The following GIN1 variants were observed in gnomAD, a reference collection of about 807,000 sequenced individuals.
GIN1 encodes gypsy retrotransposon integrase 1, also known as gypsy retrotransposon integrase-like protein 1.
GIN1 carries 41 observed loss-of-function variants against 51.4 expected under a neutral mutation model. That is an observed-to-expected ratio of 0.80 (90% CI 0.62 to 1.04). The LOEUF is 1.04. Among genes scored for constraint, GIN1 ranks in the 50% least tolerant of loss-of-function variants. The pLI is 0.00. For missense variants in GIN1, 610 were observed against 612.4 expected (o/e 1.00, Z 0.04); for synonymous variants, 222 against 206.5 (o/e 1.07, Z -0.64).
At chr5:103,100,894 T>G (rs1787553689) in intron 4 of GIN1, among the ~76,000 whole-genome samples, 1 of 152,174 alleles carries the variant, frequency 6.6e-6, no homozygotes, top group Non-Finnish European at 1.5e-5. Flanking sequence ...TTCTTGATAA[T>G]TTTGAATTTT....
chr5:103,103,254 CA>C (rs1316674744), intron 4 of GIN1, among the ~76,000 whole-genome samples: 2 of 152,214 alleles, frequency 1.3e-5, no homozygotes. Flanking sequence ...TATGTTGTCA[CA>C]ACTCTGCTAA....
chr5:103,100,564 A>T (rs550091881), intron 4 of GIN1, among the ~76,000 whole-genome samples: 86 of 150,576 alleles, frequency 5.7e-4, no homozygotes, highest in African/African-American at 1.2e-3. Context: ...GTTAATTAAA[A>T]ATTTTTTTTT....
At chr5:103,116,254 A>G (rs1477474445) in intron 1 of GIN1, among the ~76,000 whole-genome samples, 1 of 152,152 alleles carries the variant, frequency 6.6e-6, no homozygotes, top group African/African-American at 2.4e-5. Flanking sequence ...TACTATGGTA[A>G]TCAAGACTGT....
At chr5:103,103,556 C>T (rs782520732) in intron 4 of GIN1, among the ~76,000 whole-genome samples, 1 of 152,106 alleles carries the variant, frequency 6.6e-6, no homozygotes, top group Non-Finnish European at 1.5e-5. Flanking sequence ...AAACATATAC[C>T]CTGTCAATTA....
At chr5:103,092,847 G>A (rs1205134975) in intron 7 of GIN1, among the ~76,000 whole-genome samples, 1 of 145,572 alleles carries the variant, frequency 6.9e-6, no homozygotes, top group East Asian at 2.1e-4. Context: ...TTGGGAGGCT[G>A]ATGTGGGAAG....
chr5:103,088,323 G>C (rs921250208), intron 7 of GIN1, 151 bp from the exon 8 acceptor site: 39 of 490,068 alleles, frequency 8.0e-5, no homozygotes, highest in African/African-American at 7.0e-4. Context: ...TACTAAATAT[G>C]AATGTCAAAG....
At chr5:103,097,136 A>G (rs1010424659) in intron 6 of GIN1, among the ~76,000 whole-genome samples, 178 bp downstream of exon 6, 1 of 152,248 alleles carries the variant, frequency 6.6e-6, no homozygotes, top group African/African-American at 2.4e-5. Flanking sequence ...GCCTCTCAGC[A>G]TTTCATAGCT....
intron 4 of GIN1, among the ~76,000 whole-genome samples, chr5:103,101,473 C>A (rs1554195788): frequency 6.6e-6 from 1 of 152,124 alleles, no homozygotes; most frequent in Non-Finnish European, 1.5e-5. Flanking sequence ...TAAATGGGGA[C>A]TATTGTAGTT....
At position 103,106,888 on chromosome 5, in the gene GIN1, C is replaced by T; in HGVS notation, c.161G>A (p.Gly54Glu). Residue 54 changes from glycine (G) to glutamate (E), a missense_variant, in exon 3 of 8, where the codon GGA (glycine) becomes GAA (glutamate). Coordinates refer to ENST00000399004, the MANE Select transcript of GIN1 (RefSeq NM_017676.2). ...VFKEKKLFYV[G>E]KDRKQNRLVI... The stretch of plus-strand genomic sequence containing the variant: ...CAAACGATTTTGTTTTCTGTCTTTT[C>T]CAACATAAAACAGCTTTTTTTCTGG... 1 of 1,573,630 alleles carries T rather than the reference C, an allele frequency of 6.4e-7. No individual in the cohort carries two copies. The highest frequency in any genetic ancestry group is 8.6e-7 in the Non-Finnish European group (1 of 1,160,748).
chr5:103,096,657 A>G lies in GIN1; in HGVS notation c.1178T>C (p.Ile393Thr), dbSNP rs782363848. The change falls in exon 7 of 8, where the codon ATA (isoleucine) becomes ACA (threonine). Residue 393 changes from isoleucine to threonine, a missense_variant. Ile to Thr is a moderately conservative substitution (Grantham distance 89, BLOSUM62 -1). Coordinates refer to ENST00000399004, the MANE Select transcript of GIN1 (RefSeq NM_017676.2). ...ACATCCACTTTCTGTAATATAGTCT[A>G]TGACACAAGGACCAACCCATTCAGA... ...FQSEWVGPCV[I>T]DYITESGCAV... The G allele has an allele frequency of 1.9e-6, 3 of 1,614,016 alleles. No individual in the cohort carries two copies. Among genetic ancestry groups the G allele is most frequent in the South Asian group, 1.1e-5 (1 of 91,084 alleles).
intron 4 of GIN1, among the ~76,000 whole-genome samples, chr5:103,098,833 C>T (rs1787483927): frequency 6.6e-6 from 1 of 152,096 alleles, no homozygotes; most frequent in Admixed American, 6.6e-5. Context: ...GTTTAAAAAG[C>T]ATGTAAAACA....
intron 1 of GIN1, among the ~76,000 whole-genome samples, chr5:103,115,935 G>A (rs1788019465): frequency 1.3e-5 from 2 of 152,008 alleles, no homozygotes; most frequent in Non-Finnish European, 2.9e-5. Flanking sequence ...ATATAACCAT[G>A]GAAGAAAATT....
chr5:103,100,432 C>T (rs797025432), intron 4 of GIN1, among the ~76,000 whole-genome samples: 2 of 151,922 alleles, frequency 1.3e-5, no homozygotes, highest in South Asian at 4.1e-4. Context: ...CTCACTGTTG[C>T]CCAAACTGGA....
intron 7 of GIN1, among the ~76,000 whole-genome samples, chr5:103,094,331 T>G (rs1300966909): frequency 6.6e-6 from 1 of 152,154 alleles, no homozygotes; most frequent in Non-Finnish European, 1.5e-5. Context: ...GATGGCCAGA[T>G]CAGTAGTTCC....
chr5:103,113,915 T>G (rs1787953797), intron 1 of GIN1, among the ~76,000 whole-genome samples: 1 of 152,234 alleles, frequency 6.6e-6, no homozygotes, highest in Middle Eastern at 3.2e-3. Flanking sequence ...ATGGCACTAA[T>G]GATATCTAAA....
At chr5:103,107,357 C>T (rs1554196455) in intron 2 of GIN1, among the ~76,000 whole-genome samples, 3 of 152,058 alleles carry the variant, frequency 2.0e-5, no homozygotes, top group African/African-American at 2.4e-5. Context: ...AAGCAAACAG[C>T]TCTCTCAGCT....
Position 103,087,321 on chromosome 5 carries a change from T to C in GIN1, c.*577A>G, listed in dbSNP as rs1787102072. 2 of 152,162 alleles carry C rather than the reference T, an allele frequency of 1.3e-5. No individual in the cohort carries two copies. The highest frequency in any genetic ancestry group is 2.9e-5 in the Non-Finnish European group (2 of 68,032). 9.4% of individuals were successfully genotyped at this position (152,162 alleles called of 1,614,324 possible). A position where few individuals can be genotyped will look rare whatever the true frequency, so the allele number is the denominator to read the frequency against. On this transcript the variant is annotated 3_prime_UTR_variant, in exon 8 of 8. Transcript: ENST00000399004. ...ATAGTATGAAAATAAACAAATTGTT[T>C]CCCAACCAATACATAGTTTCAGACC...
In GIN1 at chr5:103,108,627, A is replaced by G. The variant is rs1787791329; in HGVS notation, c.81T>C (p.Thr27=). The change falls in exon 2 of 8, where the codon ACT becomes ACC. Residue 27 remains threonine, a synonymous_variant. Coordinates refer to ENST00000399004, the MANE Select transcript of GIN1 (RefSeq NM_017676.2). ...TGCCACTTCTCTCACTTGGCAGTGTAGTTGAATGATATTCACCAGTTCGTT... is the reference window on the plus strand; with the variant it reads ...TGCCACTTCTCTCACTTGGCAGTGTGGTTGAATGATATTCACCAGTTCGTT... ...YYKRTGEYHS[T]TLPSERSGIR... 6.2e-7 allele frequency: 1 copy of G among 1,605,046 alleles called. No individual in the cohort carries two copies. The highest frequency in any genetic ancestry group is 8.5e-7 in the Non-Finnish European group (1 of 1,172,738).
At chr5:103,109,873 A>G (rs1787825168) in intron 1 of GIN1, among the ~76,000 whole-genome samples, 1 of 152,148 alleles carries the variant, frequency 6.6e-6, no homozygotes. Context: ...AGACAAGCCA[A>G]TTGGCATAAG....
Sources: gnomAD v4.1 joint callset for allele counts (sites outside exome capture counted in the v4.1 genomes callset) on GRCh38, gnomAD v4.1.1 for gene constraint, MANE v1.5 for transcripts, NCBI Gene and HGNC (gene_info 2026-07-23, HGNC 2026-07-21) for gene names.